The following ALG9 variants were observed in gnomAD, a reference collection of about 807,000 sequenced individuals.
ALG9 encodes alpha-1,2-mannosyltransferase ALG9.
Under a neutral mutation model 81.8 loss-of-function variants are expected in ALG9, and 55 were observed. The observed-to-expected ratio is 0.67, with a 90% CI of 0.54 to 0.84. ALG9 has a LOEUF of 0.84. ALG9 is among the 40% of genes least tolerant of loss of function. ALG9 has a pLI of 0.00. For synonymous variants in ALG9, 278 were observed against 274.3 expected, an observed-to-expected ratio of 1.01 and a Z score of -0.13; for missense variants, 629 against 745.0, an observed-to-expected ratio of 0.84 and a Z score of 1.81.
chr11:111,797,572 T>C (rs1948488415), intron 14 of ALG9, among the ~76,000 whole-genome samples: 1 of 152,254 alleles, frequency 6.6e-6, no homozygotes, highest in African/African-American at 2.4e-5. Flanking sequence ...TATGGATGAC[T>C]GTTACACAGC....
At chr11:111,819,545 A>T (rs1471231749) in intron 13 of ALG9, among the ~76,000 whole-genome samples, 1 of 152,266 alleles carries the variant, frequency 6.6e-6, no homozygotes, top group African/African-American at 2.4e-5. Context: ...TGGGAGGATT[A>T]AAGCTGAAAA....
At chr11:111,809,510 A>T in intron 14 of ALG9, 133 bp downstream of exon 14, 2 of 910,858 alleles carry the variant, frequency 2.2e-6, no homozygotes, top group Non-Finnish European at 3.2e-6. Context: ...ACAGAGTGAG[A>T]CTCCATTACA....
At chr11:111,806,724 T>G (rs1452373033) in intron 14 of ALG9, among the ~76,000 whole-genome samples, 1 of 152,194 alleles carries the variant, frequency 6.6e-6, no homozygotes, top group Admixed American at 6.6e-5. Context: ...TAGCTCAGAC[T>G]TCCCCCTTGA....
intron 14 of ALG9, chr11:111,788,621 C>T (rs1377515482): frequency 8.0e-6 from 3 of 373,780 alleles, no homozygotes; most frequent in South Asian, 4.1e-5. Flanking sequence ...GGCACACACC[C>T]GCAGTCCCAG....
rs782131962 is a variant in ALG9 at position 111,870,200 on chromosome 11, A to T, written c.270+32T>A. 2.3e-5 allele frequency: 37 copies of T among 1,603,342 alleles called. No homozygotes were observed. The South Asian group carries it at 4.2e-4, about 18-fold the overall frequency. On this transcript the variant is annotated intron_variant, in intron 2 of 14. Coordinates refer to ENST00000616540, the MANE Select transcript of ALG9 (RefSeq NM_024740.2). Reference sequence around the variant, plus strand: ...ATAACACCTATGCTGCAAAATCAAGAACAAAAAGAGAAAACTAAAGAAATC... The same window carrying T: ...ATAACACCTATGCTGCAAAATCAAGTACAAAAAGAGAAAACTAAAGAAATC...
chr11:111,828,180 C>G (rs954100094), intron 13 of ALG9, among the ~76,000 whole-genome samples: 19 of 151,920 alleles, frequency 1.3e-4, no homozygotes, highest in African/African-American at 4.1e-4. Context: ...GGTGACAGAG[C>G]AAGACTCCAT....
intron 2 of ALG9, among the ~76,000 whole-genome samples, chr11:111,869,634 C>G (rs563572493): frequency 3.6e-4 from 54 of 151,932 alleles, no homozygotes; most frequent in Admixed American, 3.0e-3. Context: ...TTGTGTAAAC[C>G]AGCTAAATTC....
intron 8 of ALG9, among the ~76,000 whole-genome samples, chr11:111,848,587 T>C (rs1258501875): frequency 1.5e-4 from 16 of 106,322 alleles, no homozygotes; most frequent in African/African-American, 6.2e-4. Flanking sequence ...CAAAACTCCA[T>C]CTCAAAAAAA....
At chr11:111,869,986 A>G (rs1455558903) in intron 2 of ALG9, among the ~76,000 whole-genome samples, 4 of 151,856 alleles carry the variant, frequency 2.6e-5, no homozygotes, top group African/African-American at 9.7e-5. Context: ...TAATTTTTGT[A>G]TTTTTAGTAG....
At chr11:111,773,410 A>G in the ALG9 span, among the ~76,000 whole-genome samples, 1 of 151,900 alleles carries the variant, frequency 6.6e-6, no homozygotes, top group Non-Finnish European at 1.5e-5. Context: ...ATGCCTGGCT[A>G]ATTTTTGTAT....
intron 13 of ALG9, among the ~76,000 whole-genome samples, chr11:111,825,769 C>T (rs527501828): frequency 5.3e-5 from 8 of 152,190 alleles, no homozygotes; most frequent in Middle Eastern, 3.4e-3. Context: ...TATATACAGC[C>T]GGGCGCGGTG....
intron 14 of ALG9, among the ~76,000 whole-genome samples, chr11:111,805,714 G>C (rs1183923456): frequency 6.6e-6 from 1 of 152,224 alleles, no homozygotes; most frequent in Non-Finnish European, 1.5e-5. Flanking sequence ...TATTTCACAT[G>C]AAACGGTAAT....
intron 5 of ALG9, 137 bp from the exon 6 acceptor site, chr11:111,857,874 T>G: frequency 1.0e-6 from 1 of 982,170 alleles, no homozygotes; most frequent in Non-Finnish European, 1.6e-6. Flanking sequence ...AAATGCTATA[T>G]TAGAAAGGAC....
chr11:111,819,198 C>G (rs1404939280), intron 13 of ALG9, among the ~76,000 whole-genome samples: 1 of 152,244 alleles, frequency 6.6e-6, no homozygotes, highest in African/African-American at 2.4e-5. Flanking sequence ...AGTCCAACCT[C>G]CTATTCTCAG....
chr11:111,849,449 T>C (rs1417314726), intron 8 of ALG9: 1 of 152,218 alleles, frequency 6.6e-6, no homozygotes, highest in East Asian at 1.9e-4. Flanking sequence ...CTAAGAGATG[T>C]ATGCAAAAAC....
In ALG9 at chr11:111,871,427, T is replaced by C. The variant is rs1964261174; in HGVS notation, c.56A>G (p.Asp19Gly). The C allele has an allele frequency of 2.0e-6, 3 of 1,536,062 alleles. No individual in the cohort carries two copies. In the Admixed American group the frequency reaches 5.9e-5, roughly 30 times the overall value. The change falls in exon 1 of 15, where the codon GAT (aspartate) becomes GGT (glycine). Residue 19 changes from aspartate (D) to glycine (G), a missense_variant. Asp to Gly is a moderately conservative substitution (Grantham distance 94, BLOSUM62 -1). Around this residue, in one of 3 missense-constraint regions of ALG9, gnomAD observed 344 missense variants for 390.5 expected, o/e 0.88. Transcript: ENST00000616540. ...CAGCTTGTCCGCAGCCGGGGCCGTATCCCCACTGCTGGCCCCGCTGCCCTT... is the reference window on the plus strand; with the variant it reads ...CAGCTTGTCCGCAGCCGGGGCCGTACCCCCACTGCTGGCCCCGCTGCCCTT... Reference protein sequence around the residue: ...RLKGSGASSGDTAPAADKLRE... With the variant: ...RLKGSGASSGGTAPAADKLRE...
chr11:111,776,511 C>T, the ALG9 span, among the ~76,000 whole-genome samples: 1 of 152,126 alleles, frequency 6.6e-6, no homozygotes, highest in Non-Finnish European at 1.5e-5. Context: ...TCGCTTGAAC[C>T]CAGGAGGTGG....
At chr11:111,803,604 G>C (rs1035131882) in intron 14 of ALG9, among the ~76,000 whole-genome samples, 5 of 151,570 alleles carry the variant, frequency 3.3e-5, no homozygotes, top group African/African-American at 9.7e-5. Flanking sequence ...ACTGGAGAAA[G>C]AAAAGACAAA....
intron 7 of ALG9, 36 bp from the exon 8 acceptor site, chr11:111,853,521 C>T: frequency 6.3e-7 from 1 of 1,590,014 alleles, no homozygotes; most frequent in South Asian, 1.1e-5. Flanking sequence ...GATCTAGAAA[C>T]ATTCTCAAAA....
Sources: gnomAD v4.1 joint callset for allele counts (sites outside exome capture counted in the v4.1 genomes callset) on GRCh38, gnomAD v4.1.1 for gene constraint, gnomAD v4.1.1 regional missense constraint, MANE v1.5 for transcripts, NCBI Gene and HGNC (gene_info 2026-07-23, HGNC 2026-07-21) for gene names.